SLC23A2: variants seen among roughly 807,000 people sequenced by gnomAD.
SLC23A2 encodes Na(+)/L-ascorbic acid transporter 2.
Under a neutral mutation model 73.3 loss-of-function variants are expected in SLC23A2, and 36 were observed. That is an observed-to-expected ratio of 0.49 (90% confidence interval 0.38 to 0.65). The LOEUF is 0.65. SLC23A2 is among the 30% of genes least tolerant of loss of function. The pLI, the probability that SLC23A2 is intolerant of heterozygous loss-of-function variation, is 0.00. For missense variants in SLC23A2, 507 were observed against 841.6 expected (o/e 0.60, Z 4.92); for synonymous variants, 343 against 327.3 (o/e 1.05, Z -0.52).
intron 3 of SLC23A2, among the ~76,000 whole-genome samples, chr20:4,928,273 G>C (rs995265982): frequency 6.6e-6 from 1 of 152,086 alleles, no homozygotes; most frequent in Non-Finnish European, 1.5e-5. Flanking sequence ...ACTCCTGGCT[G>C]CAAGTGATCC....
At chr20:4,972,576 GT>G (rs1555807178) in intron 1 of SLC23A2, among the ~76,000 whole-genome samples, 64 of 144,064 alleles carry the variant, frequency 4.4e-4, no homozygotes, top group Non-Finnish European at 3.1e-4. Context: ...GTTTTTTGGG[GT>G]TTTTTTGTTG....
intron 3 of SLC23A2, among the ~76,000 whole-genome samples, chr20:4,925,180 CAAA>C (rs575469662): frequency 1.3e-5 from 1 of 76,374 alleles, no homozygotes. Flanking sequence ...AAGACTCTGT[CAAA>C]AAAAAAAAAA....
At chr20:4,901,302 C>T (rs1295776573) in intron 5 of SLC23A2, among the ~76,000 whole-genome samples, 1 of 152,030 alleles carries the variant, frequency 6.6e-6, no homozygotes, top group African/African-American at 2.4e-5. Context: ...GCAGCCCCAC[C>T]CCAGGGTGAA....
rs752578936 is a variant in SLC23A2 at position 4,874,112 on chromosome 20, G to A, written c.946-20C>T. 6 of 1,606,888 alleles carry A rather than the reference G, an allele frequency of 3.7e-6. No individual in the cohort carries two copies. In the East Asian group the frequency reaches 1.3e-4, roughly 36 times the overall value. ...GATGATCTGGAGTGGTCAAGGGGAA[G>A]CTCTGTCAGGCCAGCAGGGCTCACA... On this transcript the variant is annotated intron_variant, in intron 10 of 16. Transcript: ENST00000338244.
At chr20:4,930,709 C>G (rs984747538) in intron 3 of SLC23A2, among the ~76,000 whole-genome samples, 2 of 152,132 alleles carry the variant, frequency 1.3e-5, no homozygotes, top group Non-Finnish European at 2.9e-5. Flanking sequence ...GTCCCAGCTA[C>G]TCGGGAGGCT....
chr20:4,972,365 T>A (rs892668867), intron 1 of SLC23A2, among the ~76,000 whole-genome samples: 15 of 151,860 alleles, frequency 9.9e-5, no homozygotes, highest in African/African-American at 1.2e-4. Context: ...TTTTTTTTTT[T>A]AATTTTGGAA....
intron 1 of SLC23A2, among the ~76,000 whole-genome samples, chr20:5,006,790 C>T (rs2088196711): frequency 6.6e-6 from 1 of 152,070 alleles, no homozygotes; most frequent in Admixed American, 6.6e-5. Flanking sequence ...AACCACCTGC[C>T]TTGGCCTCCC....
chr20:4,874,887 G>C (rs1306806830), intron 9 of SLC23A2, among the ~76,000 whole-genome samples, 191 bp from the exon 10 acceptor site: 1 of 152,172 alleles, frequency 6.6e-6, no homozygotes, highest in Non-Finnish European at 1.5e-5. Flanking sequence ...TACTACTGTG[G>C]GGGAAGATGT....
intron 1 of SLC23A2, among the ~76,000 whole-genome samples, chr20:5,000,774 T>C (rs2088106657): frequency 6.6e-6 from 1 of 152,142 alleles, no homozygotes; most frequent in Non-Finnish European, 1.5e-5. Flanking sequence ...AATGTCATTT[T>C]TTCCCCCCGA....
In SLC23A2 at chr20:4,856,946, G is replaced by A. The variant is rs749660102; in HGVS notation, c.*26C>T. On this transcript the variant is annotated 3_prime_UTR_variant, in exon 17 of 17. Transcript: ENST00000338244. This position sits in a 1 kb window ranked among gnomAD's most constrained non-coding sequence, Gnocchi z 4.6. ...GAACTACAGATACATGCCTCACTGCGGCCAGGCCACAGGGCACAGCAAAGG... is the reference window on the plus strand; with the variant it reads ...GAACTACAGATACATGCCTCACTGCAGCCAGGCCACAGGGCACAGCAAAGG... 35 of 1,482,130 alleles carry A rather than the reference G, an allele frequency of 2.4e-5. No homozygotes were observed. Among genetic ancestry groups the A allele is most frequent in the South Asian group, 4.6e-5 (4 of 87,654 alleles). The allele number at this position is 1,482,130 out of a possible 1,614,324, so 91.8% of individuals were successfully genotyped here.
At chr20:4,891,370 T>C (rs1001964409) in intron 6 of SLC23A2, among the ~76,000 whole-genome samples, 1 of 152,062 alleles carries the variant, frequency 6.6e-6, no homozygotes, top group Non-Finnish European at 1.5e-5. Context: ...GTGGAGTAAC[T>C]GAAGGGAGAC....
At chr20:4,913,657 C>T (rs1472337715) in intron 3 of SLC23A2, among the ~76,000 whole-genome samples, 2 of 151,942 alleles carry the variant, frequency 1.3e-5, no homozygotes, top group East Asian at 1.9e-4. Context: ...GACGATGTCG[C>T]GCTCTGTCGC....
At chr20:4,900,718 C>T (rs536987245) in intron 5 of SLC23A2, among the ~76,000 whole-genome samples, 31 of 152,294 alleles carry the variant, frequency 2.0e-4, no homozygotes, top group Admixed American at 6.5e-4. Context: ...AGAAAGAACC[C>T]CATCCCACTT....
chr20:4,923,204 C>T (rs1028085544), intron 3 of SLC23A2, among the ~76,000 whole-genome samples: 6 of 138,468 alleles, frequency 4.3e-5, no homozygotes, highest in Non-Finnish European at 7.6e-5. Context: ...CCCAGGAGTT[C>T]GAGACCAGCC....
chr20:4,981,623 A>G (rs1408435667), intron 1 of SLC23A2, among the ~76,000 whole-genome samples: 12 of 152,168 alleles, frequency 7.9e-5, no homozygotes, highest in Admixed American at 6.5e-4. Flanking sequence ...TGAATGTTCC[A>G]TGGGAGTGAG....
At chr20:4,957,214 G>C (rs1296146363) in intron 2 of SLC23A2, among the ~76,000 whole-genome samples, 2 of 152,088 alleles carry the variant, frequency 1.3e-5, no homozygotes, top group Non-Finnish European at 2.9e-5. Flanking sequence ...CAGTGCTTTG[G>C]GGGGCTTGAG....
intron 13 of SLC23A2, among the ~76,000 whole-genome samples, chr20:4,865,911 C>A (rs568394113): frequency 6.6e-6 from 1 of 152,130 alleles, no homozygotes; most frequent in Non-Finnish European, 1.5e-5. Context: ...CAGCTCACTG[C>A]AACCTCTGCG....
chr20:4,963,194 A>G (rs2087420540), intron 2 of SLC23A2, among the ~76,000 whole-genome samples: 1 of 152,166 alleles, frequency 6.6e-6, no homozygotes, highest in Non-Finnish European at 1.5e-5. Flanking sequence ...ACTCTTTGCT[A>G]TTCTCCCAAA....
intron 1 of SLC23A2, among the ~76,000 whole-genome samples, chr20:4,981,471 G>A (rs1049698513): frequency 9.2e-5 from 14 of 152,090 alleles, no homozygotes; most frequent in Admixed American, 7.9e-4. Context: ...GGAAGTGCTC[G>A]GGCTGAATTT....
Sources: allele counts gnomAD v4.1 joint callset (sites outside exome capture counted in the v4.1 genomes callset), GRCh38; gene constraint gnomAD v4.1.1; non-coding constraint Gnocchi (gnomAD v3.1); transcripts MANE v1.5; gene names NCBI Gene and HGNC (gene_info 2026-07-23, HGNC 2026-07-21).